Variants in CMIP observed in about 807,000 individuals in gnomAD.
CMIP encodes the protein c-Maf inducing protein.
CMIP carries 13 observed loss-of-function variants against 97.3 expected under a neutral mutation model. The ratio of observed to expected loss-of-function variants is 0.13; its 90% CI spans 0.09 to 0.21. CMIP has a LOEUF of 0.21. Among genes scored for constraint, CMIP ranks in the 10% least tolerant of loss-of-function variants. The probability of loss-of-function intolerance (pLI) is 1.00; values close to 1 mark genes in which losing one functional copy is unlikely to be tolerated. For missense variants in CMIP, 847 were observed against 1,024.9 expected (o/e 0.83, Z 2.37); for synonymous variants, 538 against 436.3 (o/e 1.23, Z -2.91).
chr16:81,637,903 G>A (rs572297754), intron 3 of CMIP, among the ~76,000 whole-genome samples: 11 of 152,216 alleles, frequency 7.2e-5, no homozygotes, highest in South Asian at 6.2e-4. Flanking sequence ...GTGCCTTCTC[G>A]CTGTGTCTCA....
At chr16:81,484,868 G>T (rs774040495) in intron 1 of CMIP, among the ~76,000 whole-genome samples, 1 of 151,618 alleles carries the variant, frequency 6.6e-6, no homozygotes, top group African/African-American at 2.4e-5. Flanking sequence ...CCCTTCCTAG[G>T]AGTGGGGTCT....
intron 3 of CMIP, among the ~76,000 whole-genome samples, chr16:81,639,218 C>T (rs1009664750): frequency 6.6e-6 from 1 of 152,206 alleles, no homozygotes; most frequent in African/African-American, 2.4e-5. Context: ...CTGTTAACCC[C>T]GGCTGCACCA....
intron 1 of CMIP, among the ~76,000 whole-genome samples, chr16:81,547,567 G>A (rs1300819044): frequency 1.3e-5 from 2 of 151,994 alleles, no homozygotes; most frequent in African/African-American, 2.4e-5. Flanking sequence ...CAAACTTACC[G>A]TTTCAGGCAA....
At chr16:81,523,351 CCT>C (rs1294575518) in intron 1 of CMIP, among the ~76,000 whole-genome samples, 1 of 152,194 alleles carries the variant, frequency 6.6e-6, no homozygotes, top group African/African-American at 2.4e-5. Context: ...GGAGTCACTC[CCT>C]GTTTGCCATC....
intron 10 of CMIP, among the ~76,000 whole-genome samples, chr16:81,683,235 G>T (rs751719512): frequency 6.6e-6 from 1 of 152,216 alleles, no homozygotes; most frequent in Non-Finnish European, 1.5e-5. Context: ...TGTGGAAGCC[G>T]TGGCCCACTG....
chr16:81,561,235 G>C (rs532284531), intron 1 of CMIP, among the ~76,000 whole-genome samples: 3 of 152,226 alleles, frequency 2.0e-5, no homozygotes, highest in Non-Finnish European at 4.4e-5. Flanking sequence ...GATTGCAGGC[G>C]TGAGTCAGTG....
intron 1 of CMIP, among the ~76,000 whole-genome samples, chr16:81,604,746 C>G (rs1235313253): frequency 2.6e-5 from 4 of 152,136 alleles, no homozygotes; most frequent in African/African-American, 9.7e-5. Flanking sequence ...TATACCCAAC[C>G]TTTCCCTAAA....
intron 2 of CMIP, among the ~76,000 whole-genome samples, chr16:81,613,393 C>G (rs868735587): frequency 2.1e-4 from 32 of 152,204 alleles, no homozygotes; most frequent in African/African-American, 7.7e-4. Flanking sequence ...TCAGACAGAC[C>G]TGAGTTCCTG....
chr16:81,609,371 C>T (rs1288740784), intron 2 of CMIP, among the ~76,000 whole-genome samples: 1 of 152,198 alleles, frequency 6.6e-6, no homozygotes, highest in Non-Finnish European at 1.5e-5. Flanking sequence ...AGTGCCAGCC[C>T]CCCTCGGCGG....
rs370223572 is a variant in CMIP, at chr16:81,616,872, G to C, written c.427-4004G>C. Among the ~76,000 whole-genome samples, 2 of 152,226 alleles carry C rather than the reference G, an allele frequency of 1.3e-5. No individual in the cohort carries two copies. The highest frequency in any genetic ancestry group is 2.9e-5 in the Non-Finnish European group (2 of 68,046). The stretch of plus-strand genomic sequence containing the variant: ...AGTGCTGCTGTGAGAGGCAGGCTAC[G>C]AGGACCCAGCTAAGACTGGAGGCTC... On this transcript the variant is annotated intron_variant, in intron 2 of 20. Coordinates refer to ENST00000537098, the MANE Select transcript of CMIP (RefSeq NM_198390.3). The surrounding 1 kb of genome is among the most constrained non-coding windows in gnomAD (Gnocchi z 4.7).
chr16:81,565,770 A>G (rs1326340415), intron 1 of CMIP, among the ~76,000 whole-genome samples: 4 of 152,192 alleles, frequency 2.6e-5, no homozygotes, highest in Non-Finnish European at 5.9e-5. Flanking sequence ...TCGTGCTGTC[A>G]TTCAACACAC....
At chr16:81,637,325 G>A (rs1038530913) in intron 3 of CMIP, among the ~76,000 whole-genome samples, 3 of 152,022 alleles carry the variant, frequency 2.0e-5, no homozygotes, top group Non-Finnish European at 2.9e-5. Context: ...CACCTGCCTC[G>A]GCCACCTGAA....
intron 3 of CMIP, among the ~76,000 whole-genome samples, chr16:81,640,336 C>G (rs911392790): frequency 6.7e-6 from 1 of 148,880 alleles, no homozygotes; most frequent in Admixed American, 6.7e-5. Flanking sequence ...CAATTCCAAA[C>G]CCAGCTCCCA....
intron 1 of CMIP, among the ~76,000 whole-genome samples, chr16:81,600,424 G>A (rs1304592522): frequency 3.3e-5 from 5 of 152,270 alleles, no homozygotes; most frequent in Admixed American, 6.5e-5. Flanking sequence ...AAAGGAATGC[G>A]GTTCCGACTC....
At chr16:81,474,437 G>C (rs1489691537) in intron 1 of CMIP, among the ~76,000 whole-genome samples, 1 of 151,940 alleles carries the variant, frequency 6.6e-6, no homozygotes, top group Admixed American at 6.6e-5. Flanking sequence ...TGCTTACCGG[G>C]GGCCACCAGG....
Position 81,670,207 on chromosome 16 carries a change from C to G in CMIP, c.891C>G (p.Leu297=). ...TQEYILALNE[L]NAGMEVVKKF... ...AGTACATCCTTGCCTTGAACGAGCT[C>G]AACGCGGGGATGGAAGTGGTGAAGA... is the stretch of plus-strand genomic sequence containing the variant. The change falls in exon 8 of 21, where the codon CTC becomes CTG. Residue 297 remains leucine (L), a synonymous_variant. Coordinates refer to ENST00000537098, the MANE Select transcript of CMIP (RefSeq NM_198390.3). The G allele has an allele frequency of 6.2e-7, 1 of 1,611,662 alleles. No homozygotes were observed. Among genetic ancestry groups the G allele is most frequent in the Non-Finnish European group, 8.5e-7 (1 of 1,179,058 alleles).
intron 13 of CMIP, 47 bp from the exon 14 acceptor site, chr16:81,696,513 A>G: frequency 1.9e-6 from 3 of 1,561,230 alleles, no homozygotes; most frequent in South Asian, 1.1e-5. Context: ...CGCCCTTGTC[A>G]CCGGGGCTGC....
At chr16:81,667,787 AGAGAGAGAGAGAGTGT>A (rs770181091) in intron 7 of CMIP, among the ~76,000 whole-genome samples, 3,691 of 125,022 alleles carry the variant, frequency 0.03, 97 homozygotes, top group East Asian at 0.2. Context: ...AGAGAGAGAG[AGAGAGAGAGAGAGTGT>A]GTGTGTGTGT....
At chr16:81,498,910 C>T (rs1048835825) in intron 1 of CMIP, among the ~76,000 whole-genome samples, 9 of 152,346 alleles carry the variant, frequency 5.9e-5, no homozygotes, top group East Asian at 5.8e-4. Flanking sequence ...CTCACCCACA[C>T]GTATGCATTT....
Sources: gnomAD v4.1 joint callset for allele counts (sites outside exome capture counted in the v4.1 genomes callset) on GRCh38, gnomAD v4.1.1 for gene constraint, Gnocchi (gnomAD v3.1) non-coding constraint, MANE v1.5 for transcripts, NCBI Gene and HGNC (gene_info 2026-07-23, HGNC 2026-07-21) for gene names.